The following TEKT5 variants were observed in gnomAD, a reference collection of about 807,000 sequenced individuals.
TEKT5 encodes tektin-5.
A neutral mutation model predicts 48.7 loss-of-function variants in TEKT5; 52 were observed. The observed-to-expected ratio is 1.07, with a 90% CI of 0.86 to 1.35. The LOEUF (loss-of-function observed/expected upper bound fraction) is 1.35, where lower values mean the gene tolerates loss of function less well. Among genes scored for constraint, TEKT5 ranks in the 40% most tolerant of loss-of-function variants. The probability of loss-of-function intolerance (pLI) is 0.00; values close to 1 mark genes in which losing one functional copy is unlikely to be tolerated. For synonymous variants in TEKT5, 318 were observed against 267.6 expected (o/e 1.19, Z -1.84); for missense variants, 831 against 641.6 (o/e 1.30, Z -3.19).
intron 1 of TEKT5, among the ~76,000 whole-genome samples, chr16:10,691,793 A>G (rs1487122981): frequency 1.3e-5 from 2 of 152,048 alleles, no homozygotes; most frequent in Non-Finnish European, 2.9e-5. Context: ...CTAAAACTAC[A>G]AAAGATTAGC....
chr16:10,689,795 A>T (rs1475062927), intron 2 of TEKT5, 147 bp downstream of exon 2: 2 of 701,734 alleles, frequency 2.9e-6, no homozygotes, highest in Admixed American at 2.8e-5. Flanking sequence ...ATTGCAAACT[A>T]GACCTCCACC....
intron 5 of TEKT5, among the ~76,000 whole-genome samples, chr16:10,651,583 G>A (rs1898156464): frequency 6.6e-6 from 1 of 152,192 alleles, no homozygotes; most frequent in African/African-American, 2.4e-5. Flanking sequence ...CAAGGGCTTT[G>A]CATATATTAG....
intron 5 of TEKT5, among the ~76,000 whole-genome samples, chr16:10,649,925 G>A (rs1157518166): frequency 6.6e-6 from 1 of 152,116 alleles, no homozygotes; most frequent in African/African-American, 2.4e-5. Context: ...CTGCTCCTAC[G>A]GAGCCTGTTC....
chr16:10,678,141 T>C (rs1482050532), intron 4 of TEKT5, among the ~76,000 whole-genome samples: 2 of 152,154 alleles, frequency 1.3e-5, no homozygotes, highest in Admixed American at 1.3e-4. Context: ...CTGGGTAACT[T>C]CTGAAGGTCT....
intron 1 of TEKT5, chr16:10,692,642 G>C (rs915137094): frequency 6.6e-6 from 1 of 152,182 alleles, no homozygotes; most frequent in African/African-American, 2.4e-5. Context: ...CTGGCTAATA[G>C]GCTAAACATG....
chr16:10,693,189 G>A (rs1899012746), intron 1 of TEKT5, among the ~76,000 whole-genome samples: 1 of 152,168 alleles, frequency 6.6e-6, no homozygotes, highest in South Asian at 2.1e-4. Flanking sequence ...TCCGCCTCCT[G>A]GGTTCAAGAG....
intron 5 of TEKT5, among the ~76,000 whole-genome samples, chr16:10,665,418 T>C (rs1308871050): frequency 6.6e-6 from 1 of 152,176 alleles, no homozygotes; most frequent in Non-Finnish European, 1.5e-5. Flanking sequence ...GTACTAGCGT[T>C]CCTGAGCATA....
rs116563608 is a variant in TEKT5, at chr16:10,635,967, C to G, written c.1087-49G>C. The G allele has an allele frequency of 2.3e-4, 366 of 1,600,682 alleles. 3 individuals carry two copies. The African/African-American group carries it at 4.2e-3, about 18-fold the overall frequency. On this transcript the variant is annotated intron_variant, in intron 5 of 6. Transcript: ENST00000283025. ...ACCACCCACCAGGCCCTTCTGACCTCCTCTGACTGGGGGCCTGGGGGGAGC... is the reference window on the plus strand; with the variant it reads ...ACCACCCACCAGGCCCTTCTGACCTGCTCTGACTGGGGGCCTGGGGGGAGC...
At chr16:10,663,864 T>C (rs1009778152) in intron 5 of TEKT5, among the ~76,000 whole-genome samples, 2 of 152,180 alleles carry the variant, frequency 1.3e-5, no homozygotes, top group Non-Finnish European at 2.9e-5. Context: ...AGGAGATAAA[T>C]GTTGAGCAGG....
chr16:10,643,443 T>G (rs528758221), intron 5 of TEKT5, among the ~76,000 whole-genome samples: 10 of 152,264 alleles, frequency 6.6e-5, no homozygotes, highest in Admixed American at 2.6e-4. Flanking sequence ...CCTCAAAATT[T>G]CCACTAATAC....
intron 5 of TEKT5, among the ~76,000 whole-genome samples, chr16:10,651,524 A>T (rs989401179): frequency 6.6e-6 from 1 of 152,226 alleles, no homozygotes; most frequent in East Asian, 1.9e-4. Context: ...TGATGATAAT[A>T]ATAATATGTA....
intron 1 of TEKT5, among the ~76,000 whole-genome samples, chr16:10,694,067 T>G (rs978985876): frequency 1.3e-5 from 2 of 152,188 alleles, no homozygotes; most frequent in Admixed American, 1.3e-4. Context: ...AATATTTTCA[T>G]GAAACCCCTG....
At chr16:10,632,835 G>A (rs1313402575) in intron 6 of TEKT5, among the ~76,000 whole-genome samples, 1 of 147,868 alleles carries the variant, frequency 6.8e-6, no homozygotes, top group Non-Finnish European at 1.5e-5. Flanking sequence ...AGACAGCCAT[G>A]CATACAAACC....
chr16:10,672,768 G>T (rs1898569625), intron 5 of TEKT5, among the ~76,000 whole-genome samples: 1 of 151,930 alleles, frequency 6.6e-6, no homozygotes, highest in African/African-American at 2.4e-5. Flanking sequence ...GCACAAACAT[G>T]GTGCCTACTA....
intron 5 of TEKT5, among the ~76,000 whole-genome samples, chr16:10,660,599 T>A (rs1111490): frequency 1.3e-5 from 2 of 151,378 alleles, no homozygotes; most frequent in African/African-American, 2.4e-5. Context: ...CTCCCACACA[T>A]GCCCAGAGCC....
At chr16:10,664,031 AC>A (rs1769400043) in intron 5 of TEKT5, among the ~76,000 whole-genome samples, 1 of 152,230 alleles carries the variant, frequency 6.6e-6, no homozygotes, top group Non-Finnish European at 1.5e-5. Context: ...TGCCTGAGAG[AC>A]CAATATGCTC....
intron 5 of TEKT5, among the ~76,000 whole-genome samples, chr16:10,654,944 A>ACCC (rs796414949): frequency 4.5e-5 from 3 of 67,258 alleles, no homozygotes; most frequent in African/African-American, 1.9e-4. Context: ...CCCCTCCCCC[A>ACCC]CCCCCCCCCC....
At chr16:10,644,726 GTGTT>G (rs1303652824) in intron 5 of TEKT5, among the ~76,000 whole-genome samples, 5 of 152,336 alleles carry the variant, frequency 3.3e-5, no homozygotes, top group African/African-American at 9.6e-5. Flanking sequence ...GCCTAGAACA[GTGTT>G]TGGTGCAGCA....
chr16:10,677,855 A>G (rs1898675519), intron 4 of TEKT5, among the ~76,000 whole-genome samples: 1 of 151,978 alleles, frequency 6.6e-6, no homozygotes, highest in South Asian at 2.1e-4. Context: ...AGAGCCCAGG[A>G]GAGGTCTGCA....
Sources: gnomAD v4.1 joint callset for allele counts (sites outside exome capture counted in the v4.1 genomes callset) on GRCh38, gnomAD v4.1.1 for gene constraint, MANE v1.5 for transcripts, NCBI Gene and HGNC (gene_info 2026-07-23, HGNC 2026-07-21) for gene names.